The following NLGN1 variants were observed in gnomAD, a reference collection of about 807,000 sequenced individuals.
NLGN1 encodes the protein neuroligin-1.
NLGN1 carries 12 observed loss-of-function variants against 65.5 expected under a neutral mutation model. The observed-to-expected ratio is 0.18, with a 90% CI of 0.12 to 0.30. The LOEUF (loss-of-function observed/expected upper bound fraction) is 0.30. NLGN1 is among the 10% of genes least tolerant of loss of function. NLGN1 has a pLI of 1.00. For synonymous variants in NLGN1, 350 were observed against 359.5 expected (o/e 0.97, Z 0.30); for missense variants, 750 against 1,007.1 (o/e 0.74, Z 3.46).
At chr3:173,492,152 T>G (rs1019247871) in intron 2 of NLGN1, among the ~76,000 whole-genome samples, 1 of 151,916 alleles carries the variant, frequency 6.6e-6, no homozygotes, top group African/African-American at 2.4e-5. Flanking sequence ...TAATAATACT[T>G]ACATCATAAA....
intron 2 of NLGN1, among the ~76,000 whole-genome samples, chr3:173,452,781 AC>A (rs1312140013): frequency 6.6e-6 from 1 of 152,198 alleles, no homozygotes; most frequent in African/African-American, 2.4e-5. Context: ...CCTCAGAAAT[AC>A]TGTGTGTTCG....
At chr3:173,539,388 A>AT (rs1560404461) in intron 2 of NLGN1, among the ~76,000 whole-genome samples, 4 of 138,812 alleles carry the variant, frequency 2.9e-5, no homozygotes, top group South Asian at 4.2e-4. Context: ...GTATATATAT[A>AT]AAAAACATAT....
chr3:173,701,931 C>A (rs1312548795), intron 3 of NLGN1, among the ~76,000 whole-genome samples: 1 of 152,132 alleles, frequency 6.6e-6, no homozygotes, highest in East Asian at 1.9e-4. Flanking sequence ...CATTTGCATA[C>A]AAAAGTCATG....
intron 4 of NLGN1, among the ~76,000 whole-genome samples, chr3:173,926,487 C>T (rs1743028087): frequency 6.6e-6 from 1 of 152,172 alleles, no homozygotes; most frequent in African/African-American, 2.4e-5. Context: ...TCTTACTTCC[C>T]ACTAAATTCT....
chr3:174,073,784 A>G (rs933119121), intron 4 of NLGN1, among the ~76,000 whole-genome samples: 2 of 152,222 alleles, frequency 1.3e-5, no homozygotes, highest in Non-Finnish European at 2.9e-5. Flanking sequence ...GATTATCACA[A>G]TACCCATATC....
intron 2 of NLGN1, among the ~76,000 whole-genome samples, chr3:173,451,977 A>T (rs1721630060): frequency 6.6e-6 from 1 of 152,132 alleles, no homozygotes; most frequent in Non-Finnish European, 1.5e-5. Flanking sequence ...TTTGACTAGG[A>T]AAGGGAATTC....
At chr3:174,001,410 A>G (rs939222343) in intron 4 of NLGN1, among the ~76,000 whole-genome samples, 11 of 152,162 alleles carry the variant, frequency 7.2e-5, no homozygotes, top group Admixed American at 1.3e-4. Flanking sequence ...CTTTAGATCC[A>G]TTTAATTTGG....
intron 4 of NLGN1, among the ~76,000 whole-genome samples, chr3:173,828,815 G>A (rs1487191605): frequency 6.6e-6 from 1 of 152,060 alleles, no homozygotes; most frequent in South Asian, 2.1e-4. Flanking sequence ...ACAGAGATAG[G>A]AACTAGGTTG....
chr3:173,892,575 T>TAAA lies in NLGN1; in HGVS notation c.646+84757_646+84759dup, dbSNP rs58100019. Among the ~76,000 whole-genome samples the TAAA allele has an allele frequency of 8.2e-3, 1,079 of 131,004 alleles. 25 individuals are homozygous for TAAA. Among genetic ancestry groups the TAAA allele is most frequent in the South Asian group, 0.049 (202 of 4,152 alleles). The allele number at this position is 131,004 out of a possible 152,430, so 85.9% of individuals were successfully genotyped here. ...TCAGAACCAGGAAAAGAAGGCAAAC[T>TAAA]AAAAAAAAAAAAAAAATGACAGTTA... On this transcript the variant is annotated intron_variant, in intron 4 of 6. Transcript: ENST00000457714.
At chr3:173,803,946 AT>A (rs1272477521) in intron 3 of NLGN1, among the ~76,000 whole-genome samples, 1 of 152,230 alleles carries the variant, frequency 6.6e-6, no homozygotes, top group African/African-American at 2.4e-5. Context: ...GACAAAAAAA[AT>A]CAGTAAACAT....
chr3:174,021,620 T>C (rs1727766511), intron 4 of NLGN1, among the ~76,000 whole-genome samples: 2 of 152,152 alleles, frequency 1.3e-5, no homozygotes, highest in Non-Finnish European at 2.9e-5. Context: ...CCTCTCTGTA[T>C]TCAAGTGAAG....
At chr3:173,544,525 T>A (rs1444945751) in intron 2 of NLGN1, among the ~76,000 whole-genome samples, 3 of 152,094 alleles carry the variant, frequency 2.0e-5, no homozygotes, top group Non-Finnish European at 4.4e-5. Flanking sequence ...TGGCTACCAG[T>A]TCCATTCCCT....
chr3:174,159,270 C>A (rs1726053554), intron 4 of NLGN1, among the ~76,000 whole-genome samples: 1 of 151,610 alleles, frequency 6.6e-6, no homozygotes, highest in Non-Finnish European at 1.5e-5. Context: ...ATCTATACGT[C>A]TGTAACTAAG....
intron 4 of NLGN1, among the ~76,000 whole-genome samples, chr3:173,995,815 C>G (rs1722154038): frequency 6.6e-6 from 1 of 151,674 alleles, no homozygotes; most frequent in South Asian, 2.1e-4. Flanking sequence ...GTTTCCCAAG[C>G]ATCTGGGACT....
rs570071040 is a variant in NLGN1, at chr3:174,062,050, G to A, written c.647-213265G>A. Among the ~76,000 whole-genome samples the A allele has an allele frequency of 2.6e-5, 4 of 152,066 alleles. No individual in the cohort carries two copies. The East Asian group carries it at 7.7e-4, about 29-fold the overall frequency. On this transcript the variant is annotated intron_variant, in intron 4 of 6. Coordinates refer to ENST00000457714, the Ensembl canonical transcript of NLGN1. ...TCTAAATTCATACATGTGAATGCTT[G>A]GGGGGGAAGAAACTGTAAGAAAGCT... is the stretch of plus-strand genomic sequence containing the variant.
intron 1 of NLGN1, among the ~76,000 whole-genome samples, chr3:173,415,977 C>T (rs956922197): frequency 5.4e-5 from 8 of 147,826 alleles, no homozygotes; most frequent in African/African-American, 1.5e-4. Flanking sequence ...AATAAGAGTG[C>T]ATACATAAAA....
At chr3:173,961,814 C>T (rs1300972617) in intron 4 of NLGN1, among the ~76,000 whole-genome samples, 6 of 151,722 alleles carry the variant, frequency 4.0e-5, no homozygotes, top group African/African-American at 7.3e-5. Flanking sequence ...CATAAGCTAC[C>T]CTGAGTTAGA....
intron 4 of NLGN1, among the ~76,000 whole-genome samples, chr3:174,217,824 T>C (rs905145702): frequency 2.0e-5 from 3 of 151,960 alleles, no homozygotes; most frequent in African/African-American, 7.2e-5. Flanking sequence ...AGACAATCCT[T>C]GTTCAAATAG....
chr3:173,604,754 C>A, exon 3 of NLGN1: 1 of 1,613,686 alleles, frequency 6.2e-7, no homozygotes. Flanking sequence ...ATGATGTGGA[C>A]CCACTGGTGG....
Sources: gnomAD v4.1 joint callset for allele counts (sites outside exome capture counted in the v4.1 genomes callset) on GRCh38, gnomAD v4.1.1 for gene constraint, MANE v1.5 for transcripts, NCBI Gene and HGNC (gene_info 2026-07-23, HGNC 2026-07-21) for gene names.